TUB: variants seen among roughly 807,000 people sequenced by gnomAD.
TUB encodes the protein tubby protein homolog.
In TUB, 33 loss-of-function variants were observed where a neutral mutation model predicts 59.7. The ratio of observed to expected loss-of-function variants is 0.55; its 90% CI spans 0.42 to 0.74. The LOEUF is 0.74. Ranked by LOEUF, TUB falls within the 30% of genes least tolerant of loss-of-function variation. TUB has a pLI of 0.00. For synonymous variants in TUB, 293 were observed against 256.4 expected, an observed-to-expected ratio of 1.14 and a Z score of -1.36; for missense variants, 659 against 672.0, an observed-to-expected ratio of 0.98 and a Z score of 0.21.
chr11:8,052,670 T>A (rs1209292599), intron 2 of TUB, among the ~76,000 whole-genome samples: 26 of 152,066 alleles, frequency 1.7e-4, no homozygotes, highest in Admixed American at 1.7e-3. Flanking sequence ...AGAGATGAGG[T>A]TTCACCGTGT....
At chr11:8,097,152 A>C (rs1944032968) in intron 6 of TUB, 76 bp from the exon 7 acceptor site, 1 of 1,529,106 alleles carries the variant, frequency 6.5e-7, no homozygotes, top group Admixed American at 1.7e-5. Context: ...GTTAGGAGGC[A>C]GATTTGGATC....
intron 9 of TUB, among the ~76,000 whole-genome samples, chr11:8,099,383 T>C (rs770351729): frequency 6.6e-6 from 1 of 152,148 alleles, no homozygotes; most frequent in Non-Finnish European, 1.5e-5. Context: ...TTTGAACCTT[T>C]TTCTTCATTT....
intron 2 of TUB, among the ~76,000 whole-genome samples, chr11:8,072,695 C>T (rs1469005785): frequency 1.3e-5 from 2 of 152,182 alleles, no homozygotes; most frequent in African/African-American, 4.8e-5. Context: ...GCAAGGAATA[C>T]GTTGTCTCCA....
chr11:8,031,357 C>A (rs1942568491), intron 1 of TUB, among the ~76,000 whole-genome samples: 1 of 152,210 alleles, frequency 6.6e-6, no homozygotes. Flanking sequence ...CCTGCTTTCA[C>A]AGGCACCTTG....
chr11:8,041,804 T>A (rs1178421937), intron 2 of TUB, among the ~76,000 whole-genome samples: 5 of 152,196 alleles, frequency 3.3e-5, no homozygotes, highest in African/African-American at 1.2e-4. Context: ...GCAGGGTCAC[T>A]GCCTGCTTTC....
At chr11:8,092,435 A>G (rs1943808717) in intron 3 of TUB, among the ~76,000 whole-genome samples, 1 of 151,950 alleles carries the variant, frequency 6.6e-6, no homozygotes, top group Non-Finnish European at 1.5e-5. Context: ...TCGTGCCACT[A>G]CCAGTTAGTT....
intron 1 of TUB, among the ~76,000 whole-genome samples, chr11:8,032,828 G>A (rs1041543218): frequency 1.1e-4 from 17 of 152,200 alleles, no homozygotes; most frequent in African/African-American, 3.4e-4. Context: ...CAGGACAGCC[G>A]AGGGCTGAGG....
intron 2 of TUB, among the ~76,000 whole-genome samples, chr11:8,056,540 C>T (rs1943024052): frequency 6.6e-6 from 1 of 151,978 alleles, no homozygotes; most frequent in South Asian, 2.1e-4. Context: ...CTGTGAAATG[C>T]CTGGGGGGAG....
At chr11:8,060,651 G>A (rs1943105310) in intron 2 of TUB, among the ~76,000 whole-genome samples, 1 of 152,198 alleles carries the variant, frequency 6.6e-6, no homozygotes, top group Non-Finnish European at 1.5e-5. Flanking sequence ...GAGACTGAGA[G>A]TGTGGAAATC....
At chr11:8,045,859 G>A (rs1738617517) in intron 2 of TUB, among the ~76,000 whole-genome samples, 1 of 152,148 alleles carries the variant, frequency 6.6e-6, no homozygotes, top group Admixed American at 6.5e-5. Flanking sequence ...GACCCTCCCT[G>A]ATCTGATGTT....
At chr11:8,101,222 G>A (rs1465408819) in intron 11 of TUB, among the ~76,000 whole-genome samples, 1 of 152,200 alleles carries the variant, frequency 6.6e-6, no homozygotes, top group Non-Finnish European at 1.5e-5. Context: ...GGAGTCTCAG[G>A]CACGGGAACA....
chr11:8,025,078 C>T (rs956869029), intron 1 of TUB, among the ~76,000 whole-genome samples: 1 of 152,178 alleles, frequency 6.6e-6, no homozygotes, highest in Admixed American at 6.5e-5. Flanking sequence ...ACATTTTAGG[C>T]AGTGGAGACA....
chr11:8,055,310 C>A (rs1391393917), intron 2 of TUB, among the ~76,000 whole-genome samples: 4 of 152,198 alleles, frequency 2.6e-5, no homozygotes, highest in Non-Finnish European at 4.4e-5. Flanking sequence ...CACCATTGCT[C>A]TCTAAGGCCT....
upstream of TUB, chr11:8,035,416 T>A (rs1193534712): frequency 6.6e-6 from 1 of 152,322 alleles, no homozygotes; most frequent in Non-Finnish European, 1.5e-5. Flanking sequence ...CTTACCCTGG[T>A]GCTGGCCCCA....
At chr11:8,058,562 G>A (rs1218922317) in intron 2 of TUB, among the ~76,000 whole-genome samples, 1 of 152,210 alleles carries the variant, frequency 6.6e-6, no homozygotes, top group South Asian at 2.1e-4. Context: ...ATTTTAAAGG[G>A]TGTCATGTTT....
At chr11:8,039,697 G>A in intron 2 of TUB, 3 of 1,534,008 alleles carry the variant, frequency 2.0e-6, no homozygotes, top group South Asian at 1.3e-5. Flanking sequence ...CGCTCGGTGA[G>A]CTGGAGGGGA....
At chr11:8,080,509 G>T (rs189849938), upstream of TUB, among the ~76,000 whole-genome samples, 2 of 152,344 alleles carry the variant, frequency 1.3e-5, no homozygotes, top group African/African-American at 4.8e-5. Flanking sequence ...GGAGGACACA[G>T]ATCACAGAAC....
intron 1 of TUB, among the ~76,000 whole-genome samples, chr11:8,028,794 G>C (rs1414685581): frequency 0.03 from 3 of 100 alleles, no homozygotes; most frequent in Non-Finnish European, 0.052. Context: ...GGATTGCTTG[G>C]AGTCTAGGAG....
At chr11:8,061,156 CAA>C (rs1200083850) in intron 2 of TUB, among the ~76,000 whole-genome samples, 4 of 152,248 alleles carry the variant, frequency 2.6e-5, no homozygotes, top group Admixed American at 6.5e-5. Context: ...TCTACAAATA[CAA>C]AGAGAGTCTC....
Sources: gnomAD v4.1 joint callset for allele counts (sites outside exome capture counted in the v4.1 genomes callset) on GRCh38, gnomAD v4.1.1 for gene constraint, MANE v1.5 for transcripts, NCBI Gene and HGNC (gene_info 2026-07-23, HGNC 2026-07-21) for gene names.